Variants in POLRMT observed in about 807,000 individuals in gnomAD.
The protein encoded by POLRMT is RNA polymerase mitochondrial, also known as DNA-directed RNA polymerase, mitochondrial.
POLRMT carries 114 observed loss-of-function variants against 132.2 expected under a neutral mutation model. That is an observed-to-expected ratio of 0.86 (90% CI 0.74 to 1.01). The LOEUF is 1.01. Ranked by LOEUF, POLRMT falls within the 50% of genes least tolerant of loss-of-function variation. The pLI is 0.00. For missense variants in POLRMT, 2,003 were observed against 1,729.1 expected, an observed-to-expected ratio of 1.16 and a Z score of -2.81; for synonymous variants, 1,020 against 773.4, an observed-to-expected ratio of 1.32 and a Z score of -5.29.
chr19:632,682 A>G, intron 2 of POLRMT, 152 bp downstream of exon 2: 1 of 609,774 alleles, frequency 1.6e-6, no homozygotes, highest in Non-Finnish European at 2.8e-6. Context: ...GAGCGGTGCA[A>G]GAGATGTTTC....
At chr19:633,344 A>T in intron 1 of POLRMT, 81 bp downstream of exon 1, 2 of 1,372,272 alleles carry the variant, frequency 1.5e-6, no homozygotes, top group Non-Finnish European at 1.9e-6. Flanking sequence ...GGCAAAGGTC[A>T]AAGCGCCAAA....
At position 627,102 on chromosome 19, in the gene POLRMT, C is replaced by T. The variant is rs182560742; in HGVS notation, c.823-1848G>A. 3.7e-3 allele frequency among the ~76,000 whole-genome samples: 562 copies of T among 150,218 alleles called. 5 individuals carry two copies. The highest frequency in any genetic ancestry group is 0.013 in the African/African-American group (525 of 41,016). On this transcript the variant is annotated intron_variant, in intron 3 of 20. Coordinates refer to ENST00000588649, the MANE Select transcript of POLRMT (RefSeq NM_005035.4). ...TCCTGCAGCTGAAGACATGCTGTGA[C>T]ATGAGGTGGCCACACACCAGAGACC...
In POLRMT at chr19:619,639, C is replaced by A; in HGVS notation, c.3013G>T (p.Gly1005Cys). The A allele has an allele frequency of 6.2e-7, 1 of 1,610,852 alleles. No individual in the cohort carries two copies. The highest frequency in any genetic ancestry group is 8.5e-7 in the Non-Finnish European group (1 of 1,179,672). The change falls in exon 13 of 21, where the codon GGC (glycine) becomes TGC (cysteine). Residue 1005 changes from glycine to cysteine, a missense_variant. Coordinates refer to ENST00000588649, the MANE Select transcript of POLRMT (RefSeq NM_005035.4). ...MTVVYGVTRYGGRLQIEKRLR... is the reference protein window; with the variant it reads ...MTVVYGVTRYCGRLQIEKRLR... Reference sequence around the variant, plus strand: ...CGCTTCTCAATCTGCAGGCGCCCGCCATAGCGCGTGACCCCGTACACCACC... The same window carrying A: ...CGCTTCTCAATCTGCAGGCGCCCGCAATAGCGCGTGACCCCGTACACCACC...
chr19:628,726 C>T (rs1011051336), intron 3 of POLRMT, among the ~76,000 whole-genome samples: 7 of 152,104 alleles, frequency 4.6e-5, no homozygotes, highest in Non-Finnish European at 1.0e-4. Flanking sequence ...AAACTTTGGC[C>T]GGATACGGTG....
In POLRMT at chr19:619,022, G is replaced by T; in HGVS notation, c.3242C>A (p.Pro1081His). 4 of 1,597,058 alleles carry T rather than the reference G, an allele frequency of 2.5e-6. No homozygotes were observed. Among genetic ancestry groups the T allele is most frequent in the Non-Finnish European group, 3.4e-6 (4 of 1,172,040 alleles). The change falls in exon 15 of 21, where the codon CCC (proline) becomes CAC (histidine). Residue 1081 changes from proline to histidine, a missense_variant. Pro to His is a moderately conservative substitution (Grantham distance 77, BLOSUM62 -2). Transcript: ENST00000588649. Reference protein sequence around the residue: ...VTPLGVPVIQPYRLDSKVKQI... With the variant: ...VTPLGVPVIQHYRLDSKVKQI... ...CTTGACCTTGGAGTCCAGGCGATAG[G>T]GCTGGATGACGGGGACGCCCAGGGG...
intron 3 of POLRMT, 145 bp downstream of exon 3, chr19:629,395 G>A (rs1985241713): frequency 3.3e-6 from 3 of 907,872 alleles, no homozygotes; most frequent in East Asian, 5.8e-5. Flanking sequence ...CACGTGATTT[G>A]TATTTGAAAA....
rs1447983347 is a variant in POLRMT, at chr19:620,431, C to T, written c.2697G>A (p.Met899Ile). 5.0e-6 allele frequency: 8 copies of T among 1,598,600 alleles called. No homozygotes were observed. Residue 899 changes from methionine to isoleucine, a missense_variant, in exon 11 of 21, where the codon ATG (methionine) becomes ATA (isoleucine). By Grantham distance (10) the Met-to-Ile change is conservative. Transcript: ENST00000588649. ...AGGCGCGCACAGCGTTCGCCACCTC[C>T]ATACAGCAGGCCAGCGTCTGCCAGG... ...EEPWQTLACC[M>I]EVANAVRASD...
chr19:617,239 A>C lies in POLRMT; in HGVS notation c.*35T>G. ...CAGTGGCTCCTGGGGGTGGCAAAAGAGCTTTATTTACACACTGACAAGGCT... is the reference window on the plus strand; with the variant it reads ...CAGTGGCTCCTGGGGGTGGCAAAAGCGCTTTATTTACACACTGACAAGGCT... On this transcript the variant is annotated 3_prime_UTR_variant, in exon 21 of 21. Transcript: ENST00000588649. The C allele has an allele frequency of 3.7e-6, 6 of 1,610,556 alleles. No homozygotes were observed. Among genetic ancestry groups the C allele is most frequent in the Non-Finnish European group, 5.1e-6 (6 of 1,178,622 alleles).
At chr19:631,747 T>C (rs1445439409) in intron 2 of POLRMT, among the ~76,000 whole-genome samples, 3 of 152,132 alleles carry the variant, frequency 2.0e-5, no homozygotes, top group African/African-American at 7.2e-5. Flanking sequence ...TTTGTTTTGT[T>C]TTGTTTTGTT....
At position 618,706 on chromosome 19, in the gene POLRMT, G is replaced by A. The variant is rs141388526; in HGVS notation, c.3322C>T (p.Arg1108Ter). 4.9e-5 allele frequency: 79 copies of A among 1,607,522 alleles called. No individual in the cohort carries two copies. Among genetic ancestry groups the A allele is most frequent in the South Asian group, 3.1e-4 (28 of 90,302 alleles). ...ITYTHNGDIS[R>*]KPNTRKQKNG... ...CCCCAGCCCGGGCCCCCCACTCACC[G>A]GCTGATGTCTCCGTTGTGGGTGTAG... Residue 1108 changes from arginine to a stop codon, truncating the protein, a stop_gained and splice_region_variant, in exon 16 of 21, where the codon CGA (arginine) becomes TGA (stop). Coordinates refer to ENST00000588649, the MANE Select transcript of POLRMT (RefSeq NM_005035.4). LOFTEE classifies it high-confidence loss of function.
Position 620,088 on chromosome 19 carries a change from A to G in POLRMT, c.2764-8T>C, listed in dbSNP as rs1329127063. The G allele has an allele frequency of 2.0e-6, 3 of 1,538,050 alleles. No homozygotes were observed. The highest frequency in any genetic ancestry group is 2.4e-5 in the South Asian group (2 of 84,328). The stretch of plus-strand genomic sequence containing the variant: ...GCCGTTGCAAGAGCCGTCCTGAGGA[A>G]GGGGCGGCAAACGGGAGATGGAAGC... On this transcript the variant is annotated splice_polypyrimidine_tract_variant and splice_region_variant and intron_variant, in intron 11 of 20. Coordinates refer to ENST00000588649, the MANE Select transcript of POLRMT (RefSeq NM_005035.4).
chr19:617,331 G>A lies in POLRMT; in HGVS notation c.3644-8C>T, dbSNP rs761039219. 2.4e-5 allele frequency: 38 copies of A among 1,612,816 alleles called. No individual in the cohort carries two copies. Among genetic ancestry groups the A allele is most frequent in the Admixed American group, 1.5e-4 (9 of 60,010 alleles). On this transcript the variant is annotated splice_region_variant and splice_polypyrimidine_tract_variant and intron_variant, in intron 20 of 20. Coordinates refer to ENST00000588649, the MANE Select transcript of POLRMT (RefSeq NM_005035.4). ...GCTCCAGGTCGAAGGCCCCTGCGGA[G>A]GAAGCAGAGCGGACGGCGTGGGTGG...
chr19:630,248 C>T (rs988556978), intron 2 of POLRMT, 80 bp from the exon 3 acceptor site: 2 of 1,482,256 alleles, frequency 1.3e-6, no homozygotes. Context: ...CTGAGCCAGG[C>T]CAGGAGGTGC....
rs370579134 is a variant in POLRMT at position 629,886 on chromosome 19, C to T, written c.476G>A (p.Arg159His). The T allele has an allele frequency of 7.6e-5, 122 of 1,611,982 alleles. No homozygotes were observed. The highest frequency in any genetic ancestry group is 9.8e-5 in the Non-Finnish European group (115 of 1,179,466). The change falls in exon 3 of 21, where the codon CGC (arginine) becomes CAC (histidine). Residue 159 changes from arginine (R) to histidine (H), a missense_variant. Coordinates refer to ENST00000588649, the MANE Select transcript of POLRMT (RefSeq NM_005035.4). The part of the protein sequence containing the change: ...QSGEFKALTR[R>H]LQVEPRLLSK... ...CAGGAGCCGGGGCTCCACCTGCAGGCGCCTGGTCAGCGCCTTGAACTCCCC... is the reference window on the plus strand; with the variant it reads ...CAGGAGCCGGGGCTCCACCTGCAGGTGCCTGGTCAGCGCCTTGAACTCCCC...
intron 20 of POLRMT, 39 bp from the exon 21 acceptor site, chr19:617,362 A>G: frequency 6.2e-7 from 1 of 1,612,344 alleles, no homozygotes; most frequent in Non-Finnish European, 8.5e-7. Context: ...GGTGGCGGGA[A>G]AGCCCCGCCC....
intron 15 of POLRMT, 51 bp downstream of exon 15, chr19:618,946 T>G: frequency 6.9e-7 from 1 of 1,454,056 alleles, no homozygotes; most frequent in South Asian, 1.3e-5. Context: ...ACTGGGACGC[T>G]GTTACACTGG....
At chr19:629,080 G>A (rs943421263) in intron 3 of POLRMT, among the ~76,000 whole-genome samples, 1 of 152,164 alleles carries the variant, frequency 6.6e-6, no homozygotes, top group African/African-American at 2.4e-5. Context: ...CAACGAAGAT[G>A]GGTGGGATAC....
chr19:631,886 T>C (rs1208274194), intron 2 of POLRMT, among the ~76,000 whole-genome samples: 2 of 152,194 alleles, frequency 1.3e-5, no homozygotes, highest in African/African-American at 4.8e-5. Context: ...GCGATTTTCC[T>C]GCCTCAGCCT....
intron 15 of POLRMT, 80 bp downstream of exon 15, chr19:618,917 T>A: frequency 1.5e-6 from 2 of 1,362,586 alleles, no homozygotes; most frequent in Non-Finnish European, 2.0e-6. Flanking sequence ...GGGGTGGTGG[T>A]ACGCTGGGGC....
Sources: allele counts gnomAD v4.1 joint callset (sites outside exome capture counted in the v4.1 genomes callset), GRCh38; gene constraint gnomAD v4.1.1; transcripts MANE v1.5; gene names NCBI Gene and HGNC (gene_info 2026-07-23, HGNC 2026-07-21).